TMEM132D: variants seen among roughly 807,000 people sequenced by gnomAD.
TMEM132D encodes the protein transmembrane protein 132D.
TMEM132D carries 21 observed loss-of-function variants against 62.3 expected under a neutral mutation model. That is an observed-to-expected ratio of 0.34 (90% confidence interval 0.24 to 0.49). TMEM132D has a LOEUF of 0.49. TMEM132D is among the 20% of genes least tolerant of loss of function. The probability of loss-of-function intolerance (pLI) is 0.99; values close to 1 mark genes in which losing one functional copy is unlikely to be tolerated. For synonymous variants in TMEM132D, 621 were observed against 575.6 expected (o/e 1.08, Z -1.13); for missense variants, 1,346 against 1,402.8 (o/e 0.96, Z 0.65).
intron 1 of TMEM132D, among the ~76,000 whole-genome samples, chr12:129,765,513 C>T (rs1026675369): frequency 1.9e-4 from 29 of 150,854 alleles, no homozygotes; most frequent in Non-Finnish European, 3.8e-4. Flanking sequence ...TTGCAGTGAG[C>T]TGATATTGCG....
intron 3 of TMEM132D, among the ~76,000 whole-genome samples, chr12:129,414,162 C>T (rs186656133): frequency 1.5e-3 from 228 of 152,298 alleles, no homozygotes; most frequent in African/African-American, 5.3e-3. Context: ...ACACCATACG[C>T]TTTTTTCTTC....
chr12:129,290,648 G>T (rs1489215234), intron 4 of TMEM132D, among the ~76,000 whole-genome samples: 1 of 152,184 alleles, frequency 6.6e-6, no homozygotes, highest in African/African-American at 2.4e-5. Flanking sequence ...GTTTGAAACT[G>T]TTCATTTCTA....
chr12:129,090,061 C>T (rs1473842508), intron 5 of TMEM132D, among the ~76,000 whole-genome samples: 1 of 152,206 alleles, frequency 6.6e-6, no homozygotes, highest in East Asian at 1.9e-4. Context: ...CACGATGAGG[C>T]AGTCAATGTA....
rs375375362 is a variant in TMEM132D at position 129,611,862 on chromosome 12, T to C, written c.969-80657A>G. Among the ~76,000 whole-genome samples the C allele has an allele frequency of 1.6e-4, 25 of 152,278 alleles. No homozygotes were observed. In the East Asian group the frequency reaches 3.3e-3, roughly 20 times the overall value. ...GAGCATAAACCCTCAGCAAAGACTGTCTTCCAGCCCCTTCCCACACATTGA... is the reference window on the plus strand; with the variant it reads ...GAGCATAAACCCTCAGCAAAGACTGCCTTCCAGCCCCTTCCCACACATTGA... On this transcript the variant is annotated intron_variant, in intron 2 of 8. Transcript: ENST00000422113.
chr12:129,159,796 C>T (rs188640192), intron 5 of TMEM132D, among the ~76,000 whole-genome samples: 7 of 146,204 alleles, frequency 4.8e-5, no homozygotes, highest in Admixed American at 6.9e-5. Context: ...ATTGATAAGA[C>T]AAGAGTAGTG....
chr12:129,102,529 A>G (rs372511816), intron 5 of TMEM132D, among the ~76,000 whole-genome samples: 2 of 151,596 alleles, frequency 1.3e-5, no homozygotes, highest in Non-Finnish European at 2.9e-5. Context: ...CACACACACA[A>G]CACACACACA....
chr12:129,221,661 AACTGTGGTTG>A (rs1879348781), intron 4 of TMEM132D, among the ~76,000 whole-genome samples: 1 of 152,130 alleles, frequency 6.6e-6, no homozygotes, highest in Non-Finnish European at 1.5e-5. Context: ...GTGTCCTCCT[AACTGTGGTTG>A]ACTTCTTAAA....
chr12:129,381,748 A>C (rs2170504), intron 3 of TMEM132D, among the ~76,000 whole-genome samples: 104,452 of 151,802 alleles, frequency 0.69, 36,564 homozygotes, highest in Non-Finnish European at 0.76. Flanking sequence ...AGGAAGGCAC[A>C]TGTGGTACAG....
At chr12:129,583,128 C>A (rs1565912187) in intron 2 of TMEM132D, among the ~76,000 whole-genome samples, 1 of 152,174 alleles carries the variant, frequency 6.6e-6, no homozygotes, top group Non-Finnish European at 1.5e-5. Flanking sequence ...TTTTGATCAT[C>A]TACAGAATGA....
intron 3 of TMEM132D, among the ~76,000 whole-genome samples, chr12:129,427,395 G>A (rs1872530252): frequency 1.3e-5 from 2 of 149,626 alleles, no homozygotes; most frequent in South Asian, 4.3e-4. Flanking sequence ...ATCACACACC[G>A]GGGCCTGTTG....
rs765569025 is a variant in TMEM132D, at chr12:129,525,226, GTTTTT to G, written c.1115+5828_1115+5832del. Among the ~76,000 whole-genome samples, 154 of 67,390 alleles carry G rather than the reference GTTTTT, an allele frequency of 2.3e-3. 9 individuals are homozygous for G. Among genetic ancestry groups the G allele is most frequent in the African/African-American group, 4.3e-3 (85 of 19,658 alleles). 44.2% of individuals were successfully genotyped at this position (67,390 alleles called of 152,430 possible). On this transcript the variant is annotated intron_variant, in intron 3 of 8. Transcript: ENST00000422113. Reference sequence around the variant, plus strand: ...GGGTATGAGCCACGGTGCCCAGCCGGTTTTTTTTTTTTTTTTTTTTTTTTTTTTTG... The same window carrying G: ...GGGTATGAGCCACGGTGCCCAGCCGGTTTTTTTTTTTTTTTTTTTTTTTTG...
At chr12:129,174,511 C>T (rs961401946) in intron 5 of TMEM132D, among the ~76,000 whole-genome samples, 1 of 152,098 alleles carries the variant, frequency 6.6e-6, no homozygotes, top group African/African-American at 2.4e-5. Flanking sequence ...CATGACTTTG[C>T]TATTGTAAAT....
intron 2 of TMEM132D, among the ~76,000 whole-genome samples, chr12:129,653,140 G>C (rs538228209): frequency 1.3e-5 from 2 of 152,180 alleles, no homozygotes; most frequent in Non-Finnish European, 2.9e-5. Context: ...TTCCACGCTG[G>C]AGGTCATGAG....
chr12:129,596,709 C>T (rs1187083248), intron 2 of TMEM132D, among the ~76,000 whole-genome samples: 1 of 151,896 alleles, frequency 6.6e-6, no homozygotes. Context: ...ATTACTTCTT[C>T]TATTTCCCCA....
intron 2 of TMEM132D, among the ~76,000 whole-genome samples, chr12:129,675,393 G>T (rs905877374): frequency 6.6e-6 from 1 of 151,988 alleles, no homozygotes; most frequent in Non-Finnish European, 1.5e-5. Flanking sequence ...GGCAAGGGGA[G>T]GGAGAGCATT....
chr12:129,332,731 T>C (rs1173279207), intron 4 of TMEM132D, among the ~76,000 whole-genome samples: 2 of 152,208 alleles, frequency 1.3e-5, no homozygotes, highest in Non-Finnish European at 2.9e-5. Flanking sequence ...CAGAAGTCTG[T>C]GCAAGCCAAA....
chr12:129,712,335 A>G (rs1384462560), intron 1 of TMEM132D, among the ~76,000 whole-genome samples: 1 of 152,184 alleles, frequency 6.6e-6, no homozygotes, highest in Non-Finnish European at 1.5e-5. Flanking sequence ...CATGTTAGCC[A>G]GGATGGTCTC....
intron 2 of TMEM132D, among the ~76,000 whole-genome samples, chr12:129,684,087 C>A (rs931778015): frequency 4.6e-5 from 7 of 152,118 alleles, no homozygotes; most frequent in Non-Finnish European, 7.3e-5. Flanking sequence ...TGCAAAGCAA[C>A]CTCTTCTGTC....
intron 5 of TMEM132D, among the ~76,000 whole-genome samples, chr12:129,139,826 A>G (rs1360762063): frequency 6.6e-6 from 1 of 151,758 alleles, no homozygotes; most frequent in Non-Finnish European, 1.5e-5. Flanking sequence ...TCCTCCCACC[A>G]CAGACTCCTG....
Sources: gnomAD v4.1 joint callset for allele counts (sites outside exome capture counted in the v4.1 genomes callset) on GRCh38, gnomAD v4.1.1 for gene constraint, MANE v1.5 for transcripts, NCBI Gene and HGNC (gene_info 2026-07-23, HGNC 2026-07-21) for gene names.